The following HOXB3 variants were observed in gnomAD, a reference collection of about 807,000 sequenced individuals.
The protein encoded by HOXB3 is homeobox protein Hox-B3.
Under a neutral mutation model 29.2 loss-of-function variants are expected in HOXB3, and 17 were observed. The ratio of observed to expected loss-of-function variants is 0.58; its 90% CI spans 0.40 to 0.87. The LOEUF (loss-of-function observed/expected upper bound fraction) is 0.87, where lower values mean the gene tolerates loss of function less well. Among genes scored for constraint, HOXB3 ranks in the 40% least tolerant of loss-of-function variants. The pLI, the probability that HOXB3 is intolerant of heterozygous loss-of-function variation, is 0.00. For synonymous variants in HOXB3, 317 were observed against 285.9 expected, an observed-to-expected ratio of 1.11 and a Z score of -1.10; for missense variants, 637 against 616.3, an observed-to-expected ratio of 1.03 and a Z score of -0.35.
intron 2 of HOXB3, among the ~76,000 whole-genome samples, chr17:48,563,260 AG>A (rs2069262792): frequency 2.0e-5 from 3 of 152,202 alleles, no homozygotes; most frequent in Non-Finnish European, 4.4e-5. Context: ...GGCTGCGGGA[AG>A]AAAAAAGCAG....
At position 48,552,453 on chromosome 17, in the gene HOXB3, C is replaced by T. The variant is rs371859128; in HGVS notation, c.22G>A (p.Asp8Asn). Residue 8 changes from aspartate to asparagine, a missense_variant, in exon 4 of 5, where the codon GAC becomes AAC. By Grantham distance (23) the Asp-to-Asn change is conservative. Coordinates refer to ENST00000498678, the MANE Select transcript of HOXB3 (RefSeq NM_001384749.1). Reference protein sequence around the residue: MQKATYYDNAAAALFGGY... With the variant: MQKATYYNNAAAALFGGY... ...CCGAAGAGAGCAGCCGCGGCGTTGTCGTAGTAGGTGGCTTTCTGCATCGCT... is the reference window on the plus strand; with the variant it reads ...CCGAAGAGAGCAGCCGCGGCGTTGTTGTAGTAGGTGGCTTTCTGCATCGCT... 6.4e-7 allele frequency: 1 copy of T among 1,574,432 alleles called. No individual in the cohort carries two copies. The highest frequency in any genetic ancestry group is 1.2e-5 in the South Asian group (1 of 84,356).
intron 2 of HOXB3, 62 bp from the exon 3 acceptor site, chr17:48,555,680 C>G: frequency 1.4e-6 from 1 of 694,326 alleles, no homozygotes; most frequent in Admixed American, 2.0e-5. Context: ...CCCCCCCGCC[C>G]CCGCCCCGCA....
chr17:48,554,212 G>C lies in HOXB3; in HGVS notation c.-159+1319C>G. 1 of 182,468 alleles carries C rather than the reference G, an allele frequency of 5.5e-6. No individual in the cohort carries two copies. The highest frequency in any genetic ancestry group is 1.4e-4 in the East Asian group (1 of 7,144). 11.3% of individuals were successfully genotyped at this position (182,468 alleles called of 1,614,324 possible). A position where few individuals can be genotyped will look rare whatever the true frequency, so the allele number is the denominator to read the frequency against. ...CTTCCAAGCAGCCCTGGCTGAAGGG[G>C]GAATTAATTAACAGGCATTAGTTGT... is the stretch of plus-strand genomic sequence containing the variant. On this transcript the variant is annotated intron_variant, in intron 3 of 4. Coordinates refer to ENST00000498678, the MANE Select transcript of HOXB3 (RefSeq NM_001384749.1). The surrounding 1 kb of genome is among the most constrained non-coding windows in gnomAD (Gnocchi z 4.1).
rs536179951 is a variant in HOXB3 at position 48,550,408 on chromosome 17, T to C, written c.1222A>G (p.Thr408Ala). Reference sequence around the variant, plus strand: ...GGCGCGTGGTGAGAGGAGAGGTCTGTGTAGGTGGGGTGGGGTTCGCAGGGT... The same window carrying C: ...GGCGCGTGGTGAGAGGAGAGGTCTGCGTAGGTGGGGTGGGGTTCGCAGGGT... The part of the protein sequence containing the change: ...HGPCEPHPTY[T>A]DLSSHHAPPP... The change falls in exon 5 of 5, where the codon ACA (threonine) becomes GCA (alanine). Residue 408 changes from threonine (T) to alanine (A), a missense_variant. Transcript: ENST00000498678. 1 of 1,613,938 alleles carries C rather than the reference T, an allele frequency of 6.2e-7. No homozygotes were observed. The highest frequency in any genetic ancestry group is 1.1e-5 in the South Asian group (1 of 91,082).
In HOXB3 at chr17:48,550,553, C is replaced by T. The variant is rs1017049494; in HGVS notation, c.1077G>A (p.Ala359=). 4.6e-6 allele frequency: 7 copies of T among 1,523,090 alleles called. No individual in the cohort carries two copies. Among genetic ancestry groups the T allele is most frequent in the African/African-American group, 2.8e-5 (2 of 71,878 alleles). The allele number at this position is 1,523,090 out of a possible 1,614,324, so 94.3% of individuals were successfully genotyped here. A position where few individuals can be genotyped will look rare whatever the true frequency, so the allele number is the denominator to read the frequency against. ...SPVYVGGGGY[A]DPLPPPAGPS... is the part of the protein sequence containing the mutation. ...GGCCGGCAGGGGGCGGCAGCGGATC[C>T]GCGTAGCCGCCCCCGCCCACGTACA... Residue 359 remains alanine, a synonymous_variant, in exon 5 of 5, where the codon GCG becomes GCA. Transcript: ENST00000498678.
chr17:48,551,173 A>G lies in HOXB3; in HGVS notation c.457T>C (p.Cys153Arg). The part of the protein sequence containing the change: ...KNNSPGTAEG[C>R]GGGGGGGGGG... ...CCGCCGCCACCGCCGCCGCCACCAC[A>G]GCCCTCTGCTGGATCCGAGGGGGAG... Residue 153 changes from cysteine (C) to arginine (R), a missense_variant, in exon 5 of 5, where the codon TGT becomes CGT. Physicochemically the swap from Cys to Arg is radical, Grantham distance 180. Coordinates refer to ENST00000498678, the MANE Select transcript of HOXB3 (RefSeq NM_001384749.1). 1 of 1,292,110 alleles carries G rather than the reference A, an allele frequency of 7.7e-7. No individual in the cohort carries two copies. Among genetic ancestry groups the G allele is most frequent in the East Asian group, 3.1e-5 (1 of 32,442 alleles). The allele number at this position is 1,292,110 out of a possible 1,614,324, so 80.0% of individuals were successfully genotyped here.
rs939455809 is a variant in HOXB3, at chr17:48,550,260, C to T, written c.*74G>A. On this transcript the variant is annotated 3_prime_UTR_variant, in exon 5 of 5. Coordinates refer to ENST00000498678, the MANE Select transcript of HOXB3 (RefSeq NM_001384749.1). The stretch of plus-strand genomic sequence containing the variant: ...CCTTCTCTGGCTCCTCTTTTCAGAC[C>T]TCCAGGTTGCCCCCCAGAGCTCCAC... 5.6e-6 allele frequency: 9 copies of T among 1,593,720 alleles called. No homozygotes were observed. The highest frequency in any genetic ancestry group is 1.1e-5 in the South Asian group (1 of 88,262).
chr17:48,552,606 C>T lies in HOXB3; in HGVS notation c.-132G>A, dbSNP rs2068808332. Reference sequence around the variant, plus strand: ...CCCACCTCCCCTCTCTGCCCCCCTCCTCCGGGGTCTGTTCCAAGCGGCTGA... The same window carrying T: ...CCCACCTCCCCTCTCTGCCCCCCTCTTCCGGGGTCTGTTCCAAGCGGCTGA... On this transcript the variant is annotated 5_prime_UTR_variant, in exon 4 of 5. Transcript: ENST00000498678. 1 of 686,110 alleles carries T rather than the reference C, an allele frequency of 1.5e-6. No individual in the cohort carries two copies. Among genetic ancestry groups the T allele is most frequent in the African/African-American group, 1.8e-5 (1 of 54,174 alleles). 42.5% of individuals were successfully genotyped at this position (686,110 alleles called of 1,614,324 possible).
At chr17:48,563,686 C>T (rs1297265650) in intron 2 of HOXB3, among the ~76,000 whole-genome samples, 2 of 152,194 alleles carry the variant, frequency 1.3e-5, no homozygotes, top group African/African-American at 4.8e-5. Context: ...GGAGTAAACA[C>T]AGCTTCTCTG....
chr17:48,551,745 C>T (rs1192842600), intron 4 of HOXB3, among the ~76,000 whole-genome samples: 1 of 152,236 alleles, frequency 6.6e-6, no homozygotes, highest in African/African-American at 2.4e-5. Flanking sequence ...TGCATCCTCC[C>T]GGCAGCGCCT....
Position 48,552,635 on chromosome 17 carries a change from G to A in HOXB3, c.-158-3C>T. On this transcript the variant is annotated splice_region_variant and splice_polypyrimidine_tract_variant and intron_variant, in intron 3 of 4. Coordinates refer to ENST00000498678, the MANE Select transcript of HOXB3 (RefSeq NM_001384749.1). ...GGGGTCTGTTCCAAGCGGCTGACCT[G>A]CGAGGCGAGAGAAGAGACACAAGGG... is the stretch of plus-strand genomic sequence containing the variant. 1 of 567,838 alleles carries A rather than the reference G, an allele frequency of 1.8e-6. No homozygotes were observed. Among genetic ancestry groups the A allele is most frequent in the Non-Finnish European group, 3.0e-6 (1 of 332,166 alleles). The allele number at this position is 567,838 out of a possible 1,614,324, so 35.2% of individuals were successfully genotyped here.
Position 48,555,585 on chromosome 17 carries a change from C to A in HOXB3, c.-213G>T. The A allele has an allele frequency of 1.4e-6, 1 of 702,756 alleles. No individual in the cohort carries two copies. The highest frequency in any genetic ancestry group is 1.5e-5 in the South Asian group (1 of 67,586). 43.5% of individuals were successfully genotyped at this position (702,756 alleles called of 1,614,324 possible). ...GACATAATATATATTCACATCGAGC[C>A]CCAGAGCGAGCGGCAGGCGACAAAT... On this transcript the variant is annotated 5_prime_UTR_variant, in exon 3 of 5. Coordinates refer to ENST00000498678, the MANE Select transcript of HOXB3 (RefSeq NM_001384749.1).
intron 2 of HOXB3, among the ~76,000 whole-genome samples, chr17:48,560,932 ACT>A (rs1294482756): frequency 6.6e-6 from 1 of 151,810 alleles, no homozygotes; most frequent in Non-Finnish European, 1.5e-5. Flanking sequence ...TAAAAACCAC[ACT>A]CTGTTGGGAG....
intron 1 of HOXB3, among the ~76,000 whole-genome samples, chr17:48,577,335 A>G (rs2144887833): frequency 6.6e-6 from 1 of 152,194 alleles, no homozygotes; most frequent in Non-Finnish European, 1.5e-5. Context: ...TGGGAGAATG[A>G]GGGGGTGGAA....
chr17:48,577,780 ACCC>A, intron 1 of HOXB3: 5 of 1,166,074 alleles, frequency 4.3e-6, no homozygotes, highest in Non-Finnish European at 5.5e-6. Context: ...CCCCAGCTCA[ACCC>A]CCCCCCAACC....
chr17:48,578,396 C>T (rs929158012), intron 1 of HOXB3: 8 of 1,517,094 alleles, frequency 5.3e-6, no homozygotes, highest in African/African-American at 4.3e-5. Flanking sequence ...TCCGAAAGCC[C>T]TCCTACTTAC....
intron 2 of HOXB3, 107 bp from the exon 3 acceptor site, chr17:48,555,725 C>A (rs2144769506): frequency 1.5e-6 from 1 of 660,328 alleles, no homozygotes; most frequent in South Asian, 1.7e-5. Flanking sequence ...AGGGGCAGAC[C>A]GGCCAGAGGA....
Position 48,554,862 on chromosome 17 carries a change from A to G in HOXB3, c.-159+669T>C. Reference sequence around the variant, plus strand: ...AGGCCTGGCGGACGGGACAGTGGGAAGAGAGAAAGGTGCTAAGGGGACCCA... The same window carrying G: ...AGGCCTGGCGGACGGGACAGTGGGAGGAGAGAAAGGTGCTAAGGGGACCCA... On this transcript the variant is annotated intron_variant, in intron 3 of 4. Transcript: ENST00000498678. The surrounding 1 kb of genome is among the most constrained non-coding windows in gnomAD (Gnocchi z 4.1). The G allele has an allele frequency of 1.4e-6, 1 of 702,164 alleles. No homozygotes were observed. Among genetic ancestry groups the G allele is most frequent in the Non-Finnish European group, 2.6e-6 (1 of 384,702 alleles). 43.5% of individuals were successfully genotyped at this position (702,164 alleles called of 1,614,324 possible). A position where few individuals can be genotyped will look rare whatever the true frequency, so the allele number is the denominator to read the frequency against.
chr17:48,558,990 A>C (rs2069098996), intron 2 of HOXB3, among the ~76,000 whole-genome samples: 1 of 151,986 alleles, frequency 6.6e-6, no homozygotes, highest in Non-Finnish European at 1.5e-5. Flanking sequence ...AAAAAGAGGA[A>C]AATTGAGTAA....
Sources: gnomAD v4.1 joint callset for allele counts (sites outside exome capture counted in the v4.1 genomes callset) on GRCh38, gnomAD v4.1.1 for gene constraint, Gnocchi (gnomAD v3.1) non-coding constraint, MANE v1.5 for transcripts, NCBI Gene and HGNC (gene_info 2026-07-23, HGNC 2026-07-21) for gene names.